Variants in NUSAP1 observed in about 807,000 individuals in gnomAD.
NUSAP1 encodes the protein nucleolar and spindle-associated protein 1.
A neutral mutation model predicts 52.8 loss-of-function variants in NUSAP1; 32 were observed. The ratio of observed to expected loss-of-function variants is 0.61; its 90% CI spans 0.46 to 0.81. The LOEUF (loss-of-function observed/expected upper bound fraction) is 0.81, where lower values mean the gene tolerates loss of function less well. Among genes scored for constraint, NUSAP1 ranks in the 40% least tolerant of loss-of-function variants. The pLI is 0.00. For missense variants in NUSAP1, 499 were observed against 522.3 expected (o/e 0.96, Z 0.43); for synonymous variants, 195 against 183.1 (o/e 1.06, Z -0.52).
At chr15:41,367,825 C>G (rs1401482555) in intron 7 of NUSAP1, among the ~76,000 whole-genome samples, 1 of 152,152 alleles carries the variant, frequency 6.6e-6, no homozygotes, top group Non-Finnish European at 1.5e-5. Context: ...GGAGACAGGG[C>G]TGCAGAGGCT....
chr15:41,364,162 C>T (rs1024062277), intron 6 of NUSAP1, among the ~76,000 whole-genome samples: 3 of 152,134 alleles, frequency 2.0e-5, no homozygotes, highest in East Asian at 1.9e-4. Context: ...CTGTATATAA[C>T]GTCTCAAAGC....
chr15:41,380,025 C>T, intron 10 of NUSAP1, 68 bp from the exon 11 acceptor site: 2 of 1,163,212 alleles, frequency 1.7e-6, no homozygotes, highest in South Asian at 1.4e-5. Context: ...GTTAGTCCAA[C>T]AATAGTTGCT....
At chr15:41,334,493 T>A (rs2048046427) in intron 1 of NUSAP1, among the ~76,000 whole-genome samples, 1 of 152,186 alleles carries the variant, frequency 6.6e-6, no homozygotes, top group South Asian at 2.1e-4. Context: ...TTGGGGATAT[T>A]TCTGGGCTGT....
chr15:41,375,479 A>T (rs1031718787), intron 8 of NUSAP1, among the ~76,000 whole-genome samples: 1 of 151,774 alleles, frequency 6.6e-6, no homozygotes, highest in Non-Finnish European at 1.5e-5. Flanking sequence ...CCTCTAGATA[A>T]TTTTTTGTAT....
intron 2 of NUSAP1, among the ~76,000 whole-genome samples, chr15:41,347,702 T>C (rs2048627695): frequency 6.6e-6 from 1 of 150,906 alleles, no homozygotes; most frequent in Admixed American, 6.6e-5. Flanking sequence ...TAGTCCCAAC[T>C]ACTCAAGAGG....
intron 8 of NUSAP1, among the ~76,000 whole-genome samples, chr15:41,374,035 A>G (rs1030718715): frequency 6.6e-6 from 1 of 152,186 alleles, no homozygotes; most frequent in African/African-American, 2.4e-5. Context: ...TAAAAATACA[A>G]AAACAAAATA....
intron 4 of NUSAP1, among the ~76,000 whole-genome samples, chr15:41,355,465 C>T (rs557974649): frequency 9.7e-4 from 147 of 152,068 alleles, no homozygotes; most frequent in South Asian, 2.1e-3. Context: ...GCCACCGCGG[C>T]GCCTGACCAA....
chr15:41,374,766 C>T (rs1252524968), intron 8 of NUSAP1, among the ~76,000 whole-genome samples: 2 of 152,058 alleles, frequency 1.3e-5, no homozygotes, highest in African/African-American at 4.8e-5. Context: ...ACCTCATGAT[C>T]CACCTGCCTC....
intron 6 of NUSAP1, among the ~76,000 whole-genome samples, chr15:41,361,819 T>C (rs181661846): frequency 8.0e-4 from 122 of 152,192 alleles, no homozygotes; most frequent in African/African-American, 2.1e-3. Flanking sequence ...ATCAGATATA[T>C]AACTTGGTAT....
Position 41,380,489 on chromosome 15 carries a change from G to T in NUSAP1, c.*303G>T, listed in dbSNP as rs753866087. 3 of 234,040 alleles carry T rather than the reference G, an allele frequency of 1.3e-5. No homozygotes were observed. Among genetic ancestry groups the T allele is most frequent in the Admixed American group, 5.4e-5 (1 of 18,478 alleles). 14.5% of individuals were successfully genotyped at this position (234,040 alleles called of 1,614,324 possible). ...GTCAAGTTCCCAAGTTCCCCCTGCT[G>T]GTTCTAATATTAACAGAACTGCAGT... On this transcript the variant is annotated 3_prime_UTR_variant, in exon 11 of 11. Coordinates refer to ENST00000559596, the MANE Select transcript of NUSAP1 (RefSeq NM_016359.5).
intron 6 of NUSAP1, among the ~76,000 whole-genome samples, chr15:41,362,013 A>C (rs1170400197): frequency 2.0e-5 from 3 of 152,122 alleles, no homozygotes; most frequent in African/African-American, 7.2e-5. Context: ...TGATAACAAA[A>C]GACAGACTTG....
At chr15:41,371,051 A>G (rs937028519) in intron 7 of NUSAP1, among the ~76,000 whole-genome samples, 4 of 152,246 alleles carry the variant, frequency 2.6e-5, no homozygotes, top group Admixed American at 2.0e-4. Context: ...GCAATTTGCC[A>G]TATGTAAAGA....
chr15:41,345,896 G>C (rs992282350), intron 2 of NUSAP1, among the ~76,000 whole-genome samples: 3 of 152,040 alleles, frequency 2.0e-5, no homozygotes. Context: ...TACTACTGTG[G>C]CCTCCTTGTC....
intron 6 of NUSAP1, 37 bp from the exon 7 acceptor site, chr15:41,365,365 G>A (rs986731036): frequency 1.4e-5 from 21 of 1,534,002 alleles, no homozygotes; most frequent in Non-Finnish European, 1.8e-5. Context: ...CCATGTTGGA[G>A]AGGCCAAGCT....
At chr15:41,355,701 G>A (rs1475934880) in intron 4 of NUSAP1, among the ~76,000 whole-genome samples, 1 of 151,128 alleles carries the variant, frequency 6.6e-6, no homozygotes, top group African/African-American at 2.4e-5. Context: ...TTTAGAGGTG[G>A]AGTCTCACTC....
intron 6 of NUSAP1, among the ~76,000 whole-genome samples, chr15:41,363,352 C>T (rs983915051): frequency 6.8e-6 from 1 of 146,790 alleles, no homozygotes; most frequent in African/African-American, 2.5e-5. Context: ...TATATATATA[C>T]AATTTTTATA....
chr15:41,342,712 C>G (rs1353690889), intron 2 of NUSAP1, among the ~76,000 whole-genome samples: 1 of 152,042 alleles, frequency 6.6e-6, no homozygotes, highest in Non-Finnish European at 1.5e-5. Context: ...GTGGCGGGAG[C>G]CTGTAATCCC....
At chr15:41,351,692 T>C (rs925804900) in intron 4 of NUSAP1, among the ~76,000 whole-genome samples, 8 of 151,970 alleles carry the variant, frequency 5.3e-5, no homozygotes, top group African/African-American at 1.9e-4. Context: ...GAGGCTGAGG[T>C]GAAAGGGTTG....
In NUSAP1 at chr15:41,332,887, C is replaced by T. The variant is rs1012487127; in HGVS notation, c.-71C>T. The T allele has an allele frequency of 4.6e-5, 56 of 1,205,054 alleles. 1 individual carries two copies. The South Asian group carries it at 5.8e-4, about 13-fold the overall frequency. The allele number at this position is 1,205,054 out of a possible 1,614,324, so 74.6% of individuals were successfully genotyped here. On this transcript the variant is annotated 5_prime_UTR_variant, in exon 1 of 11. Coordinates refer to ENST00000559596, the MANE Select transcript of NUSAP1 (RefSeq NM_016359.5). ...TGCCTAGTCAAAGTTAAGAGTGGCG[C>T]CAGGGATTTGAACCGCGCTGACGAA...
Sources: gnomAD v4.1 joint callset for allele counts (sites outside exome capture counted in the v4.1 genomes callset) on GRCh38, gnomAD v4.1.1 for gene constraint, MANE v1.5 for transcripts, NCBI Gene and HGNC (gene_info 2026-07-23, HGNC 2026-07-21) for gene names.